Variants in CDK14 observed in about 807,000 individuals in gnomAD.
CDK14 encodes the protein cyclin-dependent kinase 14.
A neutral mutation model predicts 60.7 loss-of-function variants in CDK14; 34 were observed. The ratio of observed to expected loss-of-function variants is 0.56; its 90% CI spans 0.43 to 0.75. The LOEUF (loss-of-function observed/expected upper bound fraction) is 0.75, where lower values mean the gene tolerates loss of function less well. Among genes scored for constraint, CDK14 ranks in the 30% least tolerant of loss-of-function variants. The probability of loss-of-function intolerance (pLI) is 0.00; values close to 1 mark genes in which losing one functional copy is unlikely to be tolerated. For synonymous variants in CDK14, 197 were observed against 203.7 expected (o/e 0.97, Z 0.28); for missense variants, 482 against 564.1 (o/e 0.85, Z 1.47).
chr7:90,955,612 C>T, intron 8 of CDK14, 85 bp from the exon 9 acceptor site: 1 of 1,497,668 alleles, frequency 6.7e-7, no homozygotes, highest in Non-Finnish European at 9.2e-7. Context: ...TCGGGTTTGA[C>T]CTTTAAGAAT....
intron 5 of CDK14, among the ~76,000 whole-genome samples, chr7:90,809,596 A>G (rs150182647): frequency 0.031 from 4,742 of 152,314 alleles, 103 homozygotes; most frequent in South Asian, 0.099. Context: ...TTCAAAAGCT[A>G]GCAGAAGGCA....
chr7:90,792,782 A>G (rs1805885731), intron 5 of CDK14, among the ~76,000 whole-genome samples: 1 of 152,164 alleles, frequency 6.6e-6, no homozygotes, highest in African/African-American at 2.4e-5. Flanking sequence ...AATATTTTTG[A>G]AAACTAAAAT....
intron 7 of CDK14, among the ~76,000 whole-genome samples, chr7:90,910,224 C>G (rs1390114191): frequency 6.6e-6 from 1 of 152,058 alleles, no homozygotes; most frequent in East Asian, 1.9e-4. Flanking sequence ...CTTTGAATTG[C>G]AATGATGCTT....
chr7:91,071,811 A>G (rs1052359450), intron 11 of CDK14, among the ~76,000 whole-genome samples: 13 of 152,196 alleles, frequency 8.5e-5, no homozygotes, highest in Non-Finnish European at 1.5e-4. Flanking sequence ...GCTCTAGGCC[A>G]TGCTCTTCCC....
At chr7:91,018,208 G>C (rs928549136) in intron 10 of CDK14, among the ~76,000 whole-genome samples, 2 of 152,158 alleles carry the variant, frequency 1.3e-5, no homozygotes, top group Non-Finnish European at 2.9e-5. Context: ...TTGGGTGTGA[G>C]CTCCCCATTC....
intron 12 of CDK14, among the ~76,000 whole-genome samples, chr7:91,085,166 G>A (rs929891347): frequency 6.6e-6 from 1 of 152,188 alleles, no homozygotes; most frequent in Non-Finnish European, 1.5e-5. Flanking sequence ...TGGAAGAGCT[G>A]AGCTGATTTC....
At chr7:90,634,632 C>T (rs1376105753) in intron 2 of CDK14, among the ~76,000 whole-genome samples, 10 of 152,018 alleles carry the variant, frequency 6.6e-5, no homozygotes, top group Non-Finnish European at 1.3e-4. Flanking sequence ...ATTTATAGTC[C>T]TTTGGGTATA....
chr7:90,647,127 A>C (rs1800486263), intron 2 of CDK14, among the ~76,000 whole-genome samples: 1 of 152,140 alleles, frequency 6.6e-6, no homozygotes. Flanking sequence ...TAAGCCATTA[A>C]ATTATTTTTT....
intron 10 of CDK14, among the ~76,000 whole-genome samples, chr7:91,001,826 C>T (rs1795843710): frequency 6.6e-6 from 1 of 152,170 alleles, no homozygotes; most frequent in Non-Finnish European, 1.5e-5. Context: ...GCTGTCAGAG[C>T]TTAAACCCAG....
intron 14 of CDK14, among the ~76,000 whole-genome samples, chr7:91,178,985 C>T (rs1801886905): frequency 6.6e-6 from 1 of 152,170 alleles, no homozygotes; most frequent in South Asian, 2.1e-4. Context: ...ATAAATCATG[C>T]TGCTATAAAG....
chr7:90,841,163 A>G (rs146056318), intron 5 of CDK14, among the ~76,000 whole-genome samples: 111 of 152,266 alleles, frequency 7.3e-4, no homozygotes, highest in African/African-American at 2.6e-3. Flanking sequence ...AAGTTTTCCT[A>G]TTTGAAAAAT....
chr7:91,007,908 A>G (rs965766010), intron 10 of CDK14, among the ~76,000 whole-genome samples: 1 of 152,112 alleles, frequency 6.6e-6, no homozygotes, highest in African/African-American at 2.4e-5. Context: ...TTTTTACATT[A>G]TATTTTCATT....
intron 5 of CDK14, among the ~76,000 whole-genome samples, chr7:90,803,536 T>C (rs1788723428): frequency 6.6e-6 from 1 of 151,944 alleles, no homozygotes; most frequent in Admixed American, 6.6e-5. Flanking sequence ...CTGGATTGGG[T>C]AATTAGGTAG....
At chr7:90,899,390 C>T in intron 7 of CDK14, 37 bp downstream of exon 7, 3 of 1,486,518 alleles carry the variant, frequency 2.0e-6, no homozygotes, top group Non-Finnish European at 1.8e-6. Flanking sequence ...GGTTAGCATT[C>T]TTGATGTGTA....
At chr7:90,960,525 CA>C (rs1425164111) in intron 9 of CDK14, among the ~76,000 whole-genome samples, 1 of 152,068 alleles carries the variant, frequency 6.6e-6, no homozygotes, top group Non-Finnish European at 1.5e-5. Flanking sequence ...AACATTGTAG[CA>C]GCTGGGTGGT....
intron 9 of CDK14, among the ~76,000 whole-genome samples, chr7:90,982,300 CAA>C (rs1795250453): frequency 6.6e-6 from 1 of 152,100 alleles, no homozygotes; most frequent in Non-Finnish European, 1.5e-5. Flanking sequence ...AATTTGCTAT[CAA>C]GAGTAAATAG....
intron 2 of CDK14, among the ~76,000 whole-genome samples, chr7:90,668,699 C>CTT (rs59773768): frequency 4.6e-5 from 4 of 87,538 alleles, no homozygotes; most frequent in African/African-American, 1.3e-4. Flanking sequence ...GACTCGCATT[C>CTT]TTTTTTTTTT....
chr7:90,826,453 A>C (rs1219981057), intron 5 of CDK14, among the ~76,000 whole-genome samples: 1 of 151,934 alleles, frequency 6.6e-6, no homozygotes, highest in Non-Finnish European at 1.5e-5. Flanking sequence ...ACCTGACCTC[A>C]TGATCTGCCC....
chr7:90,748,542 C>A (rs1020331968), intron 4 of CDK14, among the ~76,000 whole-genome samples: 2 of 152,176 alleles, frequency 1.3e-5, no homozygotes, highest in Non-Finnish European at 2.9e-5. Flanking sequence ...AAATAATTTT[C>A]TATACTGTCC....
Sources: allele counts gnomAD v4.1 joint callset (sites outside exome capture counted in the v4.1 genomes callset), GRCh38; gene constraint gnomAD v4.1.1; transcripts MANE v1.5; gene names NCBI Gene and HGNC (gene_info 2026-07-23, HGNC 2026-07-21).